The following MAN2A1 variants were observed in gnomAD, a reference collection of about 807,000 sequenced individuals.
MAN2A1 encodes mannosidase alpha class 2A member 1.
MAN2A1 carries 76 observed loss-of-function variants against 142.6 expected under a neutral mutation model. The observed-to-expected ratio is 0.53, with a 90% CI of 0.44 to 0.65. The LOEUF is 0.65. Among genes scored for constraint, MAN2A1 ranks in the 30% least tolerant of loss-of-function variants. The pLI is 0.00. For synonymous variants in MAN2A1, 559 were observed against 473.2 expected (o/e 1.18, Z -2.35); for missense variants, 1,311 against 1,365.1 (o/e 0.96, Z 0.62).
chr5:109,722,242 A>G (rs1384182430), intron 3 of MAN2A1, among the ~76,000 whole-genome samples: 5 of 152,236 alleles, frequency 3.3e-5, no homozygotes, highest in Non-Finnish European at 7.3e-5. Context: ...AAAAGTGGAC[A>G]TCTCACTGCA....
intron 5 of MAN2A1, among the ~76,000 whole-genome samples, chr5:109,763,571 A>G (rs2112640053): frequency 6.6e-6 from 1 of 151,804 alleles, no homozygotes; most frequent in East Asian, 1.9e-4. Context: ...CACAATGTGC[A>G]GGTTAGTTAC....
At chr5:109,815,960 T>G (rs1754445966) in intron 12 of MAN2A1, among the ~76,000 whole-genome samples, 1 of 152,212 alleles carries the variant, frequency 6.6e-6, no homozygotes, top group African/African-American at 2.4e-5. Flanking sequence ...ACATCCTCTT[T>G]GAAATACTCT....
intron 20 of MAN2A1, among the ~76,000 whole-genome samples, chr5:109,856,820 A>C (rs986706252): frequency 2.0e-5 from 3 of 152,156 alleles, no homozygotes; most frequent in Non-Finnish European, 4.4e-5. Flanking sequence ...AATCATTATC[A>C]GTGAACTTGC....
rs533292588 is a variant in MAN2A1 at position 109,804,454 on chromosome 5, T to C, written c.1944-12819T>C. Among the ~76,000 whole-genome samples the C allele has an allele frequency of 5.9e-5, 9 of 152,250 alleles. No individual in the cohort carries two copies. The South Asian group carries it at 1.9e-3, about 32-fold the overall frequency. Reference sequence around the variant, plus strand: ...TTTGTTGTAGGTACTTAATATATACTCAAAATATTACAGGTAGTTGGTTGG... The same window carrying C: ...TTTGTTGTAGGTACTTAATATATACCCAAAATATTACAGGTAGTTGGTTGG... On this transcript the variant is annotated intron_variant, in intron 12 of 21. Transcript: ENST00000261483.
intron 15 of MAN2A1, among the ~76,000 whole-genome samples, chr5:109,822,483 A>G (rs1485683257): frequency 6.6e-6 from 1 of 152,188 alleles, no homozygotes; most frequent in Non-Finnish European, 1.5e-5. Context: ...CATCAGGGAA[A>G]GAGGCAGTCT....
chr5:109,755,122 C>T (rs1053238244), intron 4 of MAN2A1, among the ~76,000 whole-genome samples: 8 of 152,154 alleles, frequency 5.3e-5, no homozygotes, highest in African/African-American at 1.9e-4. Context: ...GCTTTTCCTG[C>T]AGAAGGGCAG....
chr5:109,700,701 T>C (rs995612121), intron 1 of MAN2A1, among the ~76,000 whole-genome samples: 4 of 152,018 alleles, frequency 2.6e-5, no homozygotes, highest in African/African-American at 9.7e-5. Context: ...CCAGGTCAGG[T>C]AATTTTTAGT....
At chr5:109,803,180 T>C (rs1041469508) in intron 12 of MAN2A1, among the ~76,000 whole-genome samples, 17 of 152,068 alleles carry the variant, frequency 1.1e-4, no homozygotes, top group African/African-American at 4.1e-4. Flanking sequence ...TGTTCTTAGG[T>C]ACAAAATTCT....
In MAN2A1 at chr5:109,729,366, A is replaced by C; in HGVS notation, c.560A>C (p.Tyr187Ser). 1 of 1,605,216 alleles carries C rather than the reference A, an allele frequency of 6.2e-7. No individual in the cohort carries two copies. The highest frequency in any genetic ancestry group is 8.5e-7 in the Non-Finnish European group (1 of 1,176,706). ...DPGWLKTFND[Y>S]FRDKTQYIFN... ...GGTTGGTTGAAGACTTTCAATGACT[A>C]CTTTAGAGACAAGACTCAGTATATT... Residue 187 changes from tyrosine to serine, a missense_variant, in exon 4 of 22, where the codon TAC (tyrosine) becomes TCC (serine). Transcript: ENST00000261483.
At chr5:109,865,894 G>A (rs1288790460) in intron 21 of MAN2A1, among the ~76,000 whole-genome samples, 1 of 152,182 alleles carries the variant, frequency 6.6e-6, no homozygotes, top group Non-Finnish European at 1.5e-5. Flanking sequence ...AGGCAGCTGG[G>A]CTGATTTAGG....
chr5:109,791,835 C>T (rs1223252017), intron 12 of MAN2A1, among the ~76,000 whole-genome samples: 1 of 151,960 alleles, frequency 6.6e-6, no homozygotes, highest in Non-Finnish European at 1.5e-5. Context: ...GAAATACTAA[C>T]TTAAACCCAT....
chr5:109,761,855 A>G (rs1439017341), intron 5 of MAN2A1, among the ~76,000 whole-genome samples: 2 of 152,050 alleles, frequency 1.3e-5, no homozygotes, highest in Non-Finnish European at 2.9e-5. Context: ...TACATCTAAA[A>G]TGTAAATTGT....
rs147713805 is a variant in MAN2A1 at position 109,799,945 on chromosome 5, G to A, written c.1943+10418G>A. Reference sequence around the variant, plus strand: ...TCTACAGAAAATACAAAAATTAGCCGGGAGTGGTAGCATGCACCTGTAATC... The same window carrying A: ...TCTACAGAAAATACAAAAATTAGCCAGGAGTGGTAGCATGCACCTGTAATC... On this transcript the variant is annotated intron_variant, in intron 12 of 21. Transcript: ENST00000261483. Among the ~76,000 whole-genome samples the A allele has an allele frequency of 3.7e-3, 565 of 151,890 alleles. 3 individuals are homozygous for A. The highest frequency in any genetic ancestry group is 8.9e-3 in the African/African-American group (370 of 41,460).
In MAN2A1 at chr5:109,732,226, A is replaced by C. The variant is rs547218921; in HGVS notation, c.707+2713A>C. Among the ~76,000 whole-genome samples the C allele has an allele frequency of 1.2e-3, 179 of 149,112 alleles. 1 individual carries two copies. The highest frequency in any genetic ancestry group is 4.4e-3 in the African/African-American group (177 of 40,382). On this transcript the variant is annotated intron_variant, in intron 4 of 21. Transcript: ENST00000261483. ...ATGGGGTTGTTTGTTTTTTTCTTGT[A>C]AATTTGTTTGAGTTCATTGTAGATT...
At chr5:109,841,415 G>A (rs1170840748) in intron 16 of MAN2A1, among the ~76,000 whole-genome samples, 1 of 152,088 alleles carries the variant, frequency 6.6e-6, no homozygotes, top group Non-Finnish European at 1.5e-5. Flanking sequence ...CCATTCCTGA[G>A]TTACTTCACT....
At chr5:109,833,055 C>A (rs1244004221) in intron 16 of MAN2A1, among the ~76,000 whole-genome samples, 9 of 150,762 alleles carry the variant, frequency 6.0e-5, no homozygotes, top group Non-Finnish European at 1.0e-4. Context: ...AGAGGCGCTC[C>A]CCACATCTCA....
chr5:109,798,647 C>T (rs1022055238), intron 12 of MAN2A1, among the ~76,000 whole-genome samples: 5 of 152,032 alleles, frequency 3.3e-5, no homozygotes, highest in Admixed American at 2.0e-4. Context: ...ACATGCTAGA[C>T]CTTTTCATTC....
At chr5:109,765,459 G>A (rs1752964885) in intron 5 of MAN2A1, among the ~76,000 whole-genome samples, 1 of 152,094 alleles carries the variant, frequency 6.6e-6, no homozygotes, top group African/African-American at 2.4e-5. Flanking sequence ...ATCATATCAG[G>A]AGGCATGTGA....
chr5:109,729,908 T>G (rs928674365), intron 4 of MAN2A1, among the ~76,000 whole-genome samples: 1 of 152,024 alleles, frequency 6.6e-6, no homozygotes, highest in African/African-American at 2.4e-5. Context: ...ACGACAATGC[T>G]TGGACCCAGA....
Sources: gnomAD v4.1 joint callset for allele counts (sites outside exome capture counted in the v4.1 genomes callset) on GRCh38, gnomAD v4.1.1 for gene constraint, MANE v1.5 for transcripts, NCBI Gene and HGNC (gene_info 2026-07-23, HGNC 2026-07-21) for gene names.